Variants in FGGY observed in about 807,000 individuals in gnomAD.
FGGY encodes the protein FGGY carbohydrate kinase domain-containing protein.
In FGGY, 72 loss-of-function variants were observed where a neutral mutation model predicts 71.3. The ratio of observed to expected loss-of-function variants is 1.01; its 90% CI spans 0.84 to 1.23. The LOEUF is 1.23. Ranked by LOEUF, FGGY falls within the 50% of genes most tolerant of loss-of-function variation. The pLI is 0.00. For synonymous variants in FGGY, 251 were observed against 250.3 expected (o/e 1.00, Z -0.02); for missense variants, 668 against 682.3 (o/e 0.98, Z 0.23).
intron 5 of FGGY, among the ~76,000 whole-genome samples, chr1:59,411,045 G>A (rs1198858406): frequency 6.6e-6 from 1 of 152,090 alleles, no homozygotes; most frequent in Non-Finnish European, 1.5e-5. Flanking sequence ...CTATTACTCA[G>A]TCTACAGACT....
At chr1:59,495,189 G>A (rs950364940) in intron 6 of FGGY, among the ~76,000 whole-genome samples, 110 of 151,822 alleles carry the variant, frequency 7.2e-4, no homozygotes, top group African/African-American at 2.3e-3. Context: ...GTTATTTTTC[G>A]CTTGTTAATT....
At chr1:59,689,987 A>G (rs191119187) in intron 14 of FGGY, among the ~76,000 whole-genome samples, 222 of 152,302 alleles carry the variant, frequency 1.5e-3, no homozygotes, top group African/African-American at 5.2e-3. Context: ...TTCACCTGTC[A>G]GTGTCTCTGA....
intron 12 of FGGY, among the ~76,000 whole-genome samples, chr1:59,662,349 T>C (rs1174965035): frequency 1.3e-5 from 2 of 151,346 alleles, no homozygotes; most frequent in African/African-American, 4.9e-5. Context: ...AGAGATTTTA[T>C]ATGTGCCAAG....
chr1:59,391,597 G>A (rs185519146), intron 5 of FGGY, among the ~76,000 whole-genome samples: 51 of 152,300 alleles, frequency 3.3e-4, no homozygotes, highest in Non-Finnish European at 5.1e-4. Flanking sequence ...GGAGGAAAGG[G>A]TAAAACTGTG....
At chr1:59,750,905 T>G (rs896081701) in intron 14 of FGGY, among the ~76,000 whole-genome samples, 2 of 113,120 alleles carry the variant, frequency 1.8e-5, no homozygotes, top group African/African-American at 5.5e-5. Context: ...TGTCAGCATC[T>G]GTAAAAAAAA....
At chr1:59,668,939 C>T (rs2097349882) in intron 13 of FGGY, among the ~76,000 whole-genome samples, 1 of 143,920 alleles carries the variant, frequency 6.9e-6, no homozygotes, top group Non-Finnish European at 1.5e-5. Flanking sequence ...TGCAGTGAGC[C>T]GAGATTGCGC....
intron 8 of FGGY, among the ~76,000 whole-genome samples, chr1:59,588,195 G>T (rs71494204): frequency 6.2e-4 from 94 of 151,954 alleles, no homozygotes; most frequent in Non-Finnish European, 1.3e-3. Flanking sequence ...AGGGTATCAG[G>T]GATGGAAGAT....
intron 11 of FGGY, among the ~76,000 whole-genome samples, chr1:59,658,562 G>A (rs1468038934): frequency 6.6e-6 from 1 of 152,196 alleles, no homozygotes; most frequent in African/African-American, 2.4e-5. Context: ...TACAGAGTGA[G>A]GAGGGACAAG....
At position 59,533,193 on chromosome 1, in the gene FGGY, G is replaced by A. The variant is rs914110370; in HGVS notation, c.799+20754G>A. 1.1e-4 allele frequency among the ~76,000 whole-genome samples: 17 copies of A among 152,316 alleles called. 1 individual carries two copies. The Middle Eastern group carries it at 0.017, about 152-fold the overall frequency. On this transcript the variant is annotated intron_variant, in intron 7 of 15. Coordinates refer to ENST00000303721, the MANE Select transcript of FGGY (RefSeq NM_018291.5). ...AGCAGGGCAAGGCATTGCCTCACTC[G>A]GGAAGTGCAAGGGGTCAGGGAGTTC...
At chr1:59,363,243 A>G (rs1414489797) in intron 4 of FGGY, among the ~76,000 whole-genome samples, 1 of 152,240 alleles carries the variant, frequency 6.6e-6, no homozygotes, top group African/African-American at 2.4e-5. Flanking sequence ...CTAGTCAGAA[A>G]TAACACCACT....
intron 15 of FGGY, among the ~76,000 whole-genome samples, chr1:59,761,390 T>G (rs368263616): frequency 6.6e-6 from 1 of 152,190 alleles, no homozygotes; most frequent in Non-Finnish European, 1.5e-5. Context: ...CCAAGGTTAC[T>G]CTTACAACCT....
chr1:59,653,510 G>A (rs1001843137), intron 11 of FGGY, among the ~76,000 whole-genome samples: 2 of 152,130 alleles, frequency 1.3e-5, no homozygotes, highest in African/African-American at 2.4e-5. Flanking sequence ...GGAGTGACCC[G>A]ATTTTCCAGG....
intron 14 of FGGY, chr1:59,699,024 G>C: frequency 1.0e-6 from 1 of 985,368 alleles, no homozygotes; most frequent in Non-Finnish European, 1.2e-6. Flanking sequence ...GCTTTTGGTT[G>C]AATATCAAAC....
At chr1:59,611,761 G>C (rs1259051764) in intron 9 of FGGY, among the ~76,000 whole-genome samples, 4 of 152,204 alleles carry the variant, frequency 2.6e-5, no homozygotes, top group Non-Finnish European at 4.4e-5. Context: ...AAAAAGATTA[G>C]ATGAATGTCT....
At chr1:59,445,817 C>A (rs977860387) in intron 5 of FGGY, among the ~76,000 whole-genome samples, 4 of 152,100 alleles carry the variant, frequency 2.6e-5, no homozygotes, top group Non-Finnish European at 5.9e-5. Flanking sequence ...TTGGAGTAAC[C>A]AGTCTTTGTA....
chr1:59,374,528 A>G (rs2058303204), intron 4 of FGGY, among the ~76,000 whole-genome samples: 1 of 152,122 alleles, frequency 6.6e-6, no homozygotes, highest in Non-Finnish European at 1.5e-5. Context: ...TAGAAATACC[A>G]TTTGACCCAG....
intron 14 of FGGY, among the ~76,000 whole-genome samples, chr1:59,698,250 A>C (rs532468577): frequency 6.6e-6 from 1 of 152,148 alleles, no homozygotes; most frequent in African/African-American, 2.4e-5. Context: ...AAGGTTCTGC[A>C]TGTCATATGT....
chr1:59,328,147 C>CT (rs1318486298), intron 2 of FGGY, among the ~76,000 whole-genome samples: 1 of 152,200 alleles, frequency 6.6e-6, no homozygotes, highest in Non-Finnish European at 1.5e-5. Context: ...CAGGCATTGG[C>CT]TTTTTGTCTC....
At chr1:59,750,521 T>G (rs1558988008) in intron 14 of FGGY, among the ~76,000 whole-genome samples, 1 of 152,166 alleles carries the variant, frequency 6.6e-6, no homozygotes, top group Non-Finnish European at 1.5e-5. Flanking sequence ...TGTGTGCACA[T>G]AGTGTACTTA....
Sources: gnomAD v4.1 joint callset for allele counts (sites outside exome capture counted in the v4.1 genomes callset) on GRCh38, gnomAD v4.1.1 for gene constraint, MANE v1.5 for transcripts, NCBI Gene and HGNC (gene_info 2026-07-23, HGNC 2026-07-21) for gene names.